The following RANBP2 variants were observed in gnomAD, a reference collection of about 807,000 sequenced individuals.
RANBP2 encodes the protein E3 SUMO-protein ligase RanBP2.
Under a neutral mutation model 303.6 loss-of-function variants are expected in RANBP2, and 57 were observed. That is an observed-to-expected ratio of 0.19 (90% CI 0.15 to 0.23). The LOEUF is 0.23. RANBP2 is among the 10% of genes least tolerant of loss of function. The pLI, the probability that RANBP2 is intolerant of heterozygous loss-of-function variation, is 1.00. For synonymous variants in RANBP2, 1,167 were observed against 1,301.5 expected (o/e 0.90, Z 2.23); for missense variants, 3,138 against 3,780.8 (o/e 0.83, Z 4.46).
the RANBP2 span, among the ~76,000 whole-genome samples, chr2:109,400,723 CGCTGGCTCTCATCGGCGGCTG>C: frequency 1.1e-4 from 16 of 152,334 alleles, no homozygotes; most frequent in African/African-American, 3.1e-4. Flanking sequence ...CACACACAAA[CGCTGGCTCTCATCGGCGGCTG>C]AGGCTGAGGT....
the RANBP2 span, among the ~76,000 whole-genome samples, chr2:109,563,334 G>C: frequency 6.6e-6 from 1 of 152,176 alleles, no homozygotes; most frequent in African/African-American, 2.4e-5. Flanking sequence ...AAGCTTATAT[G>C]CAACAGCGGC....
At chr2:108,957,473 CG>C in the RANBP2 span, among the ~76,000 whole-genome samples, 2 of 152,206 alleles carry the variant, frequency 1.3e-5, no homozygotes, top group African/African-American at 2.4e-5. Context: ...CAAGTGGCCC[CG>C]GGCTCATGGA....
downstream of RANBP2, among the ~76,000 whole-genome samples, chr2:108,790,555 A>G (rs1000089282): frequency 6.6e-6 from 1 of 152,038 alleles, no homozygotes; most frequent in Non-Finnish European, 1.5e-5. Context: ...AACAAAAATT[A>G]GCCGGGCATG....
intron 17 of RANBP2, among the ~76,000 whole-genome samples, chr2:108,757,763 T>C (rs1676427702): frequency 6.6e-6 from 1 of 152,186 alleles, no homozygotes; most frequent in Non-Finnish European, 1.5e-5. Context: ...AGATACTTGT[T>C]TTTTTGAGCA....
chr2:108,983,948 G>A, the RANBP2 span, among the ~76,000 whole-genome samples: 1 of 152,238 alleles, frequency 6.6e-6, no homozygotes. Context: ...GCTGGCCAGT[G>A]GCTCTGCGAC....
chr2:109,531,523 T>G, the RANBP2 span, among the ~76,000 whole-genome samples: 1 of 152,218 alleles, frequency 6.6e-6, no homozygotes, highest in Admixed American at 6.5e-5. Flanking sequence ...CTCTTGGATA[T>G]GCATCGTGGC....
At chr2:109,376,100 G>C in the RANBP2 span, among the ~76,000 whole-genome samples, 1 of 152,256 alleles carries the variant, frequency 6.6e-6, no homozygotes, top group East Asian at 1.9e-4. Flanking sequence ...TCCTGTGCTG[G>C]TGGTGGTGGT....
chr2:108,771,560 C>A, intron 20 of RANBP2, 141 bp from the exon 21 acceptor site: 3 of 1,384,812 alleles, frequency 2.2e-6, no homozygotes, highest in Admixed American at 2.5e-5. Context: ...TATCATACAT[C>A]TCTGCATCAA....
the RANBP2 span, among the ~76,000 whole-genome samples, chr2:109,412,866 C>G: frequency 6.6e-6 from 1 of 152,226 alleles, no homozygotes; most frequent in African/African-American, 2.4e-5. Flanking sequence ...ACACGTATCA[C>G]TGTCAGAAAT....
chr2:109,585,763 T>G, the RANBP2 span: 1 of 1,613,924 alleles, frequency 6.2e-7, no homozygotes, highest in Middle Eastern at 1.7e-4. Context: ...TGAATGGATC[T>G]GTTCACCAGC....
At chr2:109,490,193 G>A in the RANBP2 span, among the ~76,000 whole-genome samples, 1 of 152,224 alleles carries the variant, frequency 6.6e-6, no homozygotes. Flanking sequence ...TTTTCAAGAT[G>A]TCCATGTAGG....
At chr2:109,523,869 G>C in the RANBP2 span, among the ~76,000 whole-genome samples, 1 of 152,210 alleles carries the variant, frequency 6.6e-6, no homozygotes, top group African/African-American at 2.4e-5. Flanking sequence ...AGATTTTCCT[G>C]TTTGCATCTC....
At chr2:108,923,267 C>T in the RANBP2 span, 1 of 1,159,898 alleles carries the variant, frequency 8.6e-7, no homozygotes, top group Non-Finnish European at 1.3e-6. Flanking sequence ...CTGTGATTCA[C>T]CTTGTCCAGG....
the RANBP2 span, among the ~76,000 whole-genome samples, chr2:109,760,949 G>A: frequency 4.6e-5 from 6 of 129,750 alleles, 2 homozygotes; most frequent in Admixed American, 3.2e-4. Context: ...ATGCGTGGCC[G>A]CCTGCCTGTC....
the RANBP2 span, among the ~76,000 whole-genome samples, chr2:109,065,110 C>A: frequency 2.0e-5 from 3 of 152,108 alleles, no homozygotes; most frequent in East Asian, 5.8e-4. Context: ...GCATAGCTGA[C>A]CACAAAGCAA....
the RANBP2 span, among the ~76,000 whole-genome samples, chr2:109,367,810 T>A: frequency 6.6e-6 from 1 of 152,172 alleles, no homozygotes. Flanking sequence ...TAGAATAGAG[T>A]TCCTAGGAGT....
the RANBP2 span, among the ~76,000 whole-genome samples, chr2:108,870,436 A>G: frequency 6.6e-6 from 1 of 152,250 alleles, no homozygotes; most frequent in Non-Finnish European, 1.5e-5. Flanking sequence ...GGGTGGAAAG[A>G]TAATTTAGAG....
chr2:109,488,955 C>A, the RANBP2 span, among the ~76,000 whole-genome samples: 1 of 152,210 alleles, frequency 6.6e-6, no homozygotes, highest in Admixed American at 6.5e-5. Flanking sequence ...TGGGCCGCCT[C>A]TTCCTCCTGA....
the RANBP2 span, chr2:108,930,831 T>G: frequency 9.8e-7 from 1 of 1,024,878 alleles, no homozygotes; most frequent in Non-Finnish European, 1.5e-6. Context: ...CTGGTTTCAT[T>G]TCACCCTCAG....
Sources: allele counts gnomAD v4.1 joint callset (sites outside exome capture counted in the v4.1 genomes callset), GRCh38; gene constraint gnomAD v4.1.1; transcripts MANE v1.5; gene names NCBI Gene and HGNC (gene_info 2026-07-23, HGNC 2026-07-21).